Variants in PPP1R12A observed in about 807,000 individuals in gnomAD.
PPP1R12A encodes myosin binding subunit.
Under a neutral mutation model 139.6 loss-of-function variants are expected in PPP1R12A, and 19 were observed. The ratio of observed to expected loss-of-function variants is 0.14; its 90% CI spans 0.09 to 0.20. PPP1R12A has a LOEUF of 0.20. Among genes scored for constraint, PPP1R12A ranks in the 10% least tolerant of loss-of-function variants. The probability of loss-of-function intolerance (pLI) is 1.00; values close to 1 mark genes in which losing one functional copy is unlikely to be tolerated. For missense variants in PPP1R12A, 925 were observed against 1,211.5 expected, an observed-to-expected ratio of 0.76 and a Z score of 3.51; for synonymous variants, 427 against 420.6, an observed-to-expected ratio of 1.02 and a Z score of -0.19.
intron 16 of PPP1R12A, 31 bp downstream of exon 16, chr12:79,797,164 T>A: frequency 6.6e-7 from 1 of 1,520,420 alleles, no homozygotes; most frequent in East Asian, 2.3e-5. Flanking sequence ...TCATACCATT[T>A]GACTTAAATG....
chr12:79,828,243 A>G (rs1483318685), intron 5 of PPP1R12A, 77 bp downstream of exon 5: 15 of 1,271,672 alleles, frequency 1.2e-5, no homozygotes, highest in Non-Finnish European at 1.6e-5. Context: ...TAACCTTTTG[A>G]GACTATATTT....
intron 23 of PPP1R12A, chr12:79,779,359 A>G (rs1870135073): frequency 1.6e-6 from 2 of 1,288,950 alleles, no homozygotes; most frequent in Non-Finnish European, 2.0e-6. Context: ...CACCTTTCAG[A>G]TACAAACCAT....
intron 2 of PPP1R12A, among the ~76,000 whole-genome samples, chr12:79,859,325 A>T (rs1443510847): frequency 7.0e-6 from 1 of 143,330 alleles, no homozygotes; most frequent in East Asian, 2.3e-4. Context: ...CAACAGGGTG[A>T]GACTCTGTCT....
At chr12:79,799,305 C>T (rs766983195) in intron 14 of PPP1R12A, among the ~76,000 whole-genome samples, 34 of 152,192 alleles carry the variant, frequency 2.2e-4, no homozygotes, top group Admixed American at 7.2e-4. Flanking sequence ...CATACCACCA[C>T]GCCCGACTAA....
intron 19 of PPP1R12A, among the ~76,000 whole-genome samples, chr12:79,792,524 A>T (rs142250664): frequency 6.6e-6 from 1 of 152,348 alleles, no homozygotes; most frequent in East Asian, 1.9e-4. Flanking sequence ...AACTCTAAAC[A>T]ATCTAAAGTA....
At position 79,803,793 on chromosome 12, in the gene PPP1R12A, CTGTT is replaced by C. The variant is rs1175870851; in HGVS notation, c.2000+1795_2000+1798del. On this transcript the variant is annotated intron_variant, in intron 14 of 24. Transcript: ENST00000450142. ...CATTTTTTTCTTATGCAATTAGAAT[CTGTT>C]TGTTTAAAAATATATCCAAGCGTTT... 2.0e-4 allele frequency among the ~76,000 whole-genome samples: 30 copies of C among 152,154 alleles called. 1 individual carries two copies. In the South Asian group the frequency reaches 3.5e-3, roughly 18 times the overall value.
intron 2 of PPP1R12A, among the ~76,000 whole-genome samples, chr12:79,853,302 A>C (rs969720304): frequency 6.6e-6 from 1 of 152,146 alleles, no homozygotes; most frequent in African/African-American, 2.4e-5. Flanking sequence ...CTGGGTTATC[A>C]GCTTCTTTAG....
At chr12:79,889,761 T>G (rs1285210055) in intron 1 of PPP1R12A, among the ~76,000 whole-genome samples, 2 of 152,108 alleles carry the variant, frequency 1.3e-5, no homozygotes, top group Non-Finnish European at 2.9e-5. Flanking sequence ...TATCATAAAC[T>G]GGGGGACTTA....
chr12:79,785,501 A>G (rs937273313), intron 22 of PPP1R12A, among the ~76,000 whole-genome samples: 22 of 152,048 alleles, frequency 1.4e-4, no homozygotes, highest in Non-Finnish European at 1.2e-4. Flanking sequence ...ACTGACCAAA[A>G]AAAGTACATA....
chr12:79,914,021 A>C (rs1202315113), intron 1 of PPP1R12A: 1 of 152,160 alleles, frequency 6.6e-6, no homozygotes, highest in Non-Finnish European at 1.5e-5. Flanking sequence ...CAAAAATGTA[A>C]AACGATGCCA....
At chr12:79,776,277 TTA>T (rs1565732077) in intron 24 of PPP1R12A, among the ~76,000 whole-genome samples, 1 of 152,108 alleles carries the variant, frequency 6.6e-6, no homozygotes, top group Non-Finnish European at 1.5e-5. Context: ...TCACTTGATT[TTA>T]TGACTCACAA....
intron 9 of PPP1R12A, among the ~76,000 whole-genome samples, chr12:79,813,275 C>T (rs1874838440): frequency 6.6e-6 from 1 of 152,152 alleles, no homozygotes; most frequent in African/African-American, 2.4e-5. Flanking sequence ...TTTTTCTTCT[C>T]TCCCTTTCAA....
chr12:79,812,161 G>A (rs1455964656), intron 9 of PPP1R12A, among the ~76,000 whole-genome samples: 1 of 152,092 alleles, frequency 6.6e-6, no homozygotes, highest in Non-Finnish European at 1.5e-5. Context: ...CACTGTAATG[G>A]CTGATATACC....
In PPP1R12A at chr12:79,776,022, A is replaced by G; in HGVS notation, c.3007-7T>C. 1 of 1,544,406 alleles carries G rather than the reference A, an allele frequency of 6.5e-7. No individual in the cohort carries two copies. Among genetic ancestry groups the G allele is most frequent in the African/African-American group, 1.4e-5 (1 of 72,680 alleles). ...CTTTTAGGTCTGGTAACATCTATAA[A>G]GAGAAAAATTGAAGATCAAGTTTTA... On this transcript the variant is annotated splice_polypyrimidine_tract_variant and splice_region_variant and intron_variant, in intron 24 of 24. Transcript: ENST00000450142.
chr12:79,817,950 C>T (rs559428754), intron 8 of PPP1R12A, among the ~76,000 whole-genome samples: 1 of 152,288 alleles, frequency 6.6e-6, no homozygotes, highest in East Asian at 1.9e-4. Context: ...TCTAAAAGTG[C>T]TTTTGTCAAT....
chr12:79,863,636 A>T (rs1458178225), intron 2 of PPP1R12A, among the ~76,000 whole-genome samples: 6 of 113,504 alleles, frequency 5.3e-5, no homozygotes, highest in African/African-American at 1.9e-4. Context: ...TACCAAGCAA[A>T]TTGAAAGCAA....
intron 1 of PPP1R12A, 45 bp downstream of exon 1, chr12:79,934,650 C>G: frequency 6.8e-7 from 1 of 1,472,676 alleles, no homozygotes; most frequent in Non-Finnish European, 9.1e-7. Flanking sequence ...AGGAGGCCGA[C>G]GAGAACCCTC....
chr12:79,857,418 T>C (rs1197761402), intron 2 of PPP1R12A, among the ~76,000 whole-genome samples: 1 of 146,578 alleles, frequency 6.8e-6, no homozygotes, highest in East Asian at 2.0e-4. Context: ...AACATCACAC[T>C]CTGGGGACTG....
intron 1 of PPP1R12A, among the ~76,000 whole-genome samples, chr12:79,920,996 T>C (rs544100330): frequency 6.6e-5 from 10 of 152,366 alleles, no homozygotes; most frequent in African/African-American, 1.4e-4. Flanking sequence ...TAGTATCTCA[T>C]TGTGGGTTTG....
Sources: gnomAD v4.1 joint callset for allele counts (sites outside exome capture counted in the v4.1 genomes callset) on GRCh38, gnomAD v4.1.1 for gene constraint, MANE v1.5 for transcripts, NCBI Gene and HGNC (gene_info 2026-07-23, HGNC 2026-07-21) for gene names.